The following EFCAB6 variants were observed in gnomAD, a reference collection of about 807,000 sequenced individuals.
EFCAB6 encodes EF-hand calcium binding domain 6.
A neutral mutation model predicts 169.8 loss-of-function variants in EFCAB6; 156 were observed. The observed-to-expected ratio is 0.92, with a 90% CI of 0.81 to 1.05. The LOEUF (loss-of-function observed/expected upper bound fraction) is 1.05, where lower values mean the gene tolerates loss of function less well. Among genes scored for constraint, EFCAB6 ranks in the 50% least tolerant of loss-of-function variants. The pLI, the probability that EFCAB6 is intolerant of heterozygous loss-of-function variation, is 0.00. For synonymous variants in EFCAB6, 698 were observed against 676.4 expected (o/e 1.03, Z -0.50); for missense variants, 1,800 against 1,829.1 (o/e 0.98, Z 0.29).
chr22:43,566,713 G>A (rs2049456828), intron 26 of EFCAB6, among the ~76,000 whole-genome samples: 2 of 152,174 alleles, frequency 1.3e-5, no homozygotes, highest in South Asian at 2.1e-4. Context: ...TCCCAACTCA[G>A]CAACACTGAC....
chr22:43,688,529 T>C (rs2058285506), intron 10 of EFCAB6, among the ~76,000 whole-genome samples: 1 of 152,214 alleles, frequency 6.6e-6, no homozygotes, highest in African/African-American at 2.4e-5. Context: ...GATGTGAGCA[T>C]GGGTTTCAGA....
At chr22:43,687,447 G>GCT (rs1556073372) in intron 11 of EFCAB6, 24 bp downstream of exon 11, 2 of 791,146 alleles carry the variant, frequency 2.5e-6, no homozygotes, top group African/African-American at 4.0e-5. Context: ...ACTAAAATTT[G>GCT]TTTTTTTTTT....
intron 8 of EFCAB6, among the ~76,000 whole-genome samples, chr22:43,720,045 G>C (rs1200580768): frequency 4.6e-5 from 7 of 152,200 alleles, no homozygotes; most frequent in Non-Finnish European, 1.0e-4. Flanking sequence ...TCCATGTGAG[G>C]TGATGGAGGT....
chr22:43,753,604 C>A (rs1272873797), intron 6 of EFCAB6, among the ~76,000 whole-genome samples: 3 of 152,086 alleles, frequency 2.0e-5, no homozygotes, highest in African/African-American at 7.2e-5. Context: ...CCCAAGGGTT[C>A]GACTGGATAA....
intron 27 of EFCAB6, among the ~76,000 whole-genome samples, chr22:43,541,684 A>G (rs1224632262): frequency 1.3e-5 from 2 of 152,192 alleles, no homozygotes; most frequent in South Asian, 2.1e-4. Flanking sequence ...AACCTGTCAG[A>G]CAGGAATCAG....
At chr22:43,609,070 A>G (rs2053124381) in intron 21 of EFCAB6, among the ~76,000 whole-genome samples, 1 of 152,222 alleles carries the variant, frequency 6.6e-6, no homozygotes, top group Non-Finnish European at 1.5e-5. Context: ...TGTCAGGCAT[A>G]TAAGAGGACC....
At position 43,656,632 on chromosome 22, in the gene EFCAB6, G is replaced by T. The variant is rs374917507; in HGVS notation, c.1983+10472C>A. ...GCATTACAATGGCCTACACTGTGCGGTATAATACCATGCTGTACAGATCTG... is the reference window on the plus strand; with the variant it reads ...GCATTACAATGGCCTACACTGTGCGTTATAATACCATGCTGTACAGATCTG... On this transcript the variant is annotated intron_variant, in intron 17 of 31. Coordinates refer to ENST00000262726, the MANE Select transcript of EFCAB6 (RefSeq NM_022785.4). 4.6e-5 allele frequency among the ~76,000 whole-genome samples: 7 copies of T among 152,306 alleles called. No individual in the cohort carries two copies. In the East Asian group the frequency reaches 9.6e-4, roughly 21 times the overall value.
chr22:43,540,422 C>G (rs907325325), intron 27 of EFCAB6, 65 bp from the exon 28 acceptor site: 55 of 1,605,180 alleles, frequency 3.4e-5, no homozygotes, highest in Non-Finnish European at 4.5e-5. Flanking sequence ...CGCACCTGTG[C>G]CAGCGAGAAG....
chr22:43,664,874 A>G (rs1482700485), intron 17 of EFCAB6, among the ~76,000 whole-genome samples: 2 of 152,058 alleles, frequency 1.3e-5, no homozygotes, highest in African/African-American at 4.8e-5. Context: ...TGCTGGGTTG[A>G]CGATGAACTG....
intron 6 of EFCAB6, among the ~76,000 whole-genome samples, chr22:43,753,199 G>A (rs1316083687): frequency 6.6e-6 from 1 of 152,188 alleles, no homozygotes; most frequent in Non-Finnish European, 1.5e-5. Context: ...GGACATTATG[G>A]AGACAAAGAA....
chr22:43,809,190 C>T (rs143596960), intron 1 of EFCAB6, 59 bp from the exon 2 acceptor site: 1 of 152,026 alleles, frequency 6.6e-6, no homozygotes, highest in Non-Finnish European at 1.5e-5. Context: ...AATCAAAAGG[C>T]CTTATTTCCC....
At chr22:43,581,924 C>T (rs932228674) in intron 24 of EFCAB6, among the ~76,000 whole-genome samples, 18 of 152,136 alleles carry the variant, frequency 1.2e-4, no homozygotes, top group Non-Finnish European at 2.6e-4. Flanking sequence ...ATATGCTAAT[C>T]TCAGTAGTAT....
chr22:43,564,454 A>G (rs1388332357), intron 26 of EFCAB6, among the ~76,000 whole-genome samples: 1 of 134,582 alleles, frequency 7.4e-6, no homozygotes, highest in Non-Finnish European at 1.7e-5. Context: ...TCTCAGAAAA[A>G]AAAAGAAAAA....
chr22:43,666,954 C>CA (rs34356586), intron 17 of EFCAB6, 150 bp downstream of exon 17: 214,160 of 871,584 alleles, frequency 0.25, 10,191 homozygotes, highest in East Asian at 0.47. Flanking sequence ...ATTTTTTGGC[C>CA]AAAAAAAAAA....
chr22:43,754,938 T>C (rs1291169127), intron 6 of EFCAB6, among the ~76,000 whole-genome samples: 5 of 152,206 alleles, frequency 3.3e-5, no homozygotes, highest in African/African-American at 1.2e-4. Context: ...TCAACTATAG[T>C]GAAACAGGTT....
Position 43,770,906 on chromosome 22 carries a change from A to G in EFCAB6, c.351+1986T>C, listed in dbSNP as rs187893545. Among the ~76,000 whole-genome samples the G allele has an allele frequency of 5.6e-4, 65 of 115,356 alleles. 1 individual carries two copies. The Middle Eastern group carries it at 0.025, about 44-fold the overall frequency. The allele number at this position is 115,356 out of a possible 152,430, so 75.7% of individuals were successfully genotyped here. A position where few individuals can be genotyped will look rare whatever the true frequency, so the allele number is the denominator to read the frequency against. On this transcript the variant is annotated intron_variant, in intron 4 of 31. Coordinates refer to ENST00000262726, the MANE Select transcript of EFCAB6 (RefSeq NM_022785.4). Reference sequence around the variant, plus strand: ...AAGAAGAAACAACAAATAGAACTGTACTTTTTTTTAATTTTAAGTCAGAAA... The same window carrying G: ...AAGAAGAAACAACAAATAGAACTGTGCTTTTTTTTAATTTTAAGTCAGAAA...
intron 17 of EFCAB6, among the ~76,000 whole-genome samples, chr22:43,655,520 CAAA>C (rs137753): frequency 1.0e-4 from 12 of 116,412 alleles, no homozygotes; most frequent in Admixed American, 1.6e-4. Flanking sequence ...GACCCTGTCT[CAAA>C]AAAAAAAAAA....
At chr22:43,759,529 A>C (rs2147888425) in intron 5 of EFCAB6, 1 of 152,322 alleles carries the variant, frequency 6.6e-6, no homozygotes, top group African/African-American at 2.4e-5. Flanking sequence ...GTCCATCTGA[A>C]GCAAATCTCA....
intron 25 of EFCAB6, among the ~76,000 whole-genome samples, chr22:43,579,386 G>A (rs922831525): frequency 1.3e-4 from 20 of 149,262 alleles, no homozygotes; most frequent in African/African-American, 2.2e-4. Flanking sequence ...TTCCCTACAC[G>A]CAGGCATCAT....
Sources: gnomAD v4.1 joint callset for allele counts (sites outside exome capture counted in the v4.1 genomes callset) on GRCh38, gnomAD v4.1.1 for gene constraint, MANE v1.5 for transcripts, NCBI Gene and HGNC (gene_info 2026-07-23, HGNC 2026-07-21) for gene names.